The following ADAMTS6 variants were observed in gnomAD, a reference collection of about 807,000 sequenced individuals.
ADAMTS6 encodes A disintegrin and metalloproteinase with thrombospondin motifs 6.
Under a neutral mutation model 144.3 loss-of-function variants are expected in ADAMTS6, and 23 were observed. That is an observed-to-expected ratio of 0.16 (90% CI 0.11 to 0.23). The LOEUF (loss-of-function observed/expected upper bound fraction) is 0.23. Among genes scored for constraint, ADAMTS6 ranks in the 10% least tolerant of loss-of-function variants. The pLI is 1.00. For synonymous variants in ADAMTS6, 444 were observed against 457.5 expected, an observed-to-expected ratio of 0.97 and a Z score of 0.38; for missense variants, 999 against 1,379.6, an observed-to-expected ratio of 0.72 and a Z score of 4.37.
chr5:65,247,981 A>G (rs6885059), intron 14 of ADAMTS6, among the ~76,000 whole-genome samples: 90,912 of 152,044 alleles, frequency 0.6, 28,709 homozygotes, highest in African/African-American at 0.82. Flanking sequence ...AACCCCTGCC[A>G]TGCTTAGCAA....
intron 9 of ADAMTS6, among the ~76,000 whole-genome samples, chr5:65,305,819 C>G (rs1743888566): frequency 6.6e-6 from 1 of 152,072 alleles, no homozygotes; most frequent in Non-Finnish European, 1.5e-5. Flanking sequence ...CATGGACACA[C>G]ACACACACAG....
intron 14 of ADAMTS6, among the ~76,000 whole-genome samples, chr5:65,250,925 T>C (rs1561330316): frequency 6.6e-6 from 1 of 152,286 alleles, no homozygotes; most frequent in East Asian, 1.9e-4. Flanking sequence ...AAAAAGTAAG[T>C]TTTCTAGTAT....
At chr5:65,253,603 T>C (rs114808253) in intron 14 of ADAMTS6, among the ~76,000 whole-genome samples, 1 of 152,064 alleles carries the variant, frequency 6.6e-6, no homozygotes, top group African/African-American at 2.4e-5. Context: ...AAAAGAAAGG[T>C]ATATTCTTTT....
chr5:65,148,891 T>C lies in ADAMTS6; in HGVS notation c.*2945A>G, dbSNP rs1197961054. 6.6e-6 allele frequency: 1 copy of C among 152,596 alleles called. No homozygotes were observed. Among genetic ancestry groups the C allele is most frequent in the African/African-American group, 2.4e-5 (1 of 41,440 alleles). 9.5% of individuals were successfully genotyped at this position (152,596 alleles called of 1,614,324 possible). A position where few individuals can be genotyped will look rare whatever the true frequency, so the allele number is the denominator to read the frequency against. The stretch of plus-strand genomic sequence containing the variant: ...AATGTAGGACAAGTGTTAGGAAACA[T>C]GGCAATAAATTAGAATATAATTTAC... On this transcript the variant is annotated 3_prime_UTR_variant, in exon 25 of 25. Coordinates refer to ENST00000381055, the MANE Select transcript of ADAMTS6 (RefSeq NM_197941.4).
rs184573720 is a variant in ADAMTS6 at position 65,301,886 on chromosome 5, C to T, written c.1224-1755G>A. Among the ~76,000 whole-genome samples the T allele has an allele frequency of 6.9e-3, 1,042 of 151,652 alleles. 8 individuals carry two copies. Among genetic ancestry groups the T allele is most frequent in the Non-Finnish European group, 8.3e-3 (564 of 67,916 alleles). On this transcript the variant is annotated intron_variant, in intron 9 of 24. Coordinates refer to ENST00000381055, the MANE Select transcript of ADAMTS6 (RefSeq NM_197941.4). ...GGAGGATCACCTGAGGTCAGGAGCTCGAGACTAGCCTAGCCAACATGGTGA... is the reference window on the plus strand; with the variant it reads ...GGAGGATCACCTGAGGTCAGGAGCTTGAGACTAGCCTAGCCAACATGGTGA...
chr5:65,341,414 G>T (rs751092632), intron 7 of ADAMTS6, among the ~76,000 whole-genome samples: 3 of 151,754 alleles, frequency 2.0e-5, no homozygotes, highest in Admixed American at 6.6e-5. Flanking sequence ...CAAAAAGGTG[G>T]TTTTTTGAAA....
chr5:65,429,643 T>C (rs1756840194), intron 7 of ADAMTS6, among the ~76,000 whole-genome samples: 2 of 152,158 alleles, frequency 1.3e-5, no homozygotes, highest in Admixed American at 1.3e-4. Flanking sequence ...CCCTATGTTT[T>C]GTATATGATA....
At chr5:65,407,968 G>C (rs921906409) in intron 7 of ADAMTS6, among the ~76,000 whole-genome samples, 2 of 152,164 alleles carry the variant, frequency 1.3e-5, no homozygotes, top group East Asian at 1.9e-4. Context: ...GTCACCACCA[G>C]GCCTGCCTTA....
chr5:65,368,413 C>T (rs1218522057), intron 7 of ADAMTS6, among the ~76,000 whole-genome samples: 2 of 152,146 alleles, frequency 1.3e-5, no homozygotes, highest in Admixed American at 1.3e-4. Context: ...CTTTTCAATG[C>T]TTTTTTCTGT....
rs1210596393 is a variant in ADAMTS6, at chr5:65,329,401, G to C, written c.1200C>G (p.Thr400=). ...ACTTGTGACCAATCTCATGTGCAAT[G>C]GTAAAAGCTGAACCCAGGCCAATGT... ...NEDIGLGSAF[T]IAHEIGHNFG... is the part of the protein sequence containing the mutation. The change falls in exon 9 of 25, where the codon ACC becomes ACG. Residue 400 remains threonine, a synonymous_variant. Coordinates refer to ENST00000381055, the MANE Select transcript of ADAMTS6 (RefSeq NM_197941.4). 6.2e-7 allele frequency: 1 copy of C among 1,612,514 alleles called. No individual in the cohort carries two copies. Among genetic ancestry groups the C allele is most frequent in the Non-Finnish European group, 8.5e-7 (1 of 1,179,186 alleles).
At chr5:65,294,284 A>T (rs1397569633) in intron 10 of ADAMTS6, among the ~76,000 whole-genome samples, 1 of 152,214 alleles carries the variant, frequency 6.6e-6, no homozygotes, top group African/African-American at 2.4e-5. Context: ...AAGTGGCATG[A>T]TCACAGCTAA....
chr5:65,331,367 T>C (rs1427807583), intron 8 of ADAMTS6, among the ~76,000 whole-genome samples: 3 of 152,092 alleles, frequency 2.0e-5, no homozygotes, highest in African/African-American at 7.2e-5. Flanking sequence ...TCTCAATGAC[T>C]CCTCAAGGTG....
intron 12 of ADAMTS6, 105 bp from the exon 13 acceptor site, chr5:65,263,067 T>A: frequency 7.2e-7 from 1 of 1,390,980 alleles, no homozygotes; most frequent in Non-Finnish European, 9.9e-7. Flanking sequence ...GCATTAGCAT[T>A]CTCCCAATTG....
intron 7 of ADAMTS6, among the ~76,000 whole-genome samples, chr5:65,404,128 A>T (rs1386931762): frequency 1.3e-5 from 2 of 152,106 alleles, no homozygotes; most frequent in Non-Finnish European, 2.9e-5. Flanking sequence ...GCATTAATGA[A>T]TTAAGAAAAT....
rs1481286093 is a variant in ADAMTS6, at chr5:65,214,732, G to T, written c.2575+62C>A. 6.2e-7 allele frequency: 1 copy of T among 1,608,012 alleles called. No individual in the cohort carries two copies. Among genetic ancestry groups the T allele is most frequent in the South Asian group, 1.1e-5 (1 of 90,904 alleles). On this transcript the variant is annotated intron_variant, in intron 20 of 24. Coordinates refer to ENST00000381055, the MANE Select transcript of ADAMTS6 (RefSeq NM_197941.4). This position sits in a 1 kb window ranked among gnomAD's most constrained non-coding sequence, Gnocchi z 4.6. ...GCTTTTTTAACAAACACAAAGCATAGCTCAGAATGTGTTTTGTTCTCCATC... is the reference window on the plus strand; with the variant it reads ...GCTTTTTTAACAAACACAAAGCATATCTCAGAATGTGTTTTGTTCTCCATC...
At chr5:65,427,221 T>C (rs1478449284) in intron 7 of ADAMTS6, among the ~76,000 whole-genome samples, 2 of 152,122 alleles carry the variant, frequency 1.3e-5, no homozygotes, top group Non-Finnish European at 2.9e-5. Context: ...GAATAAATTT[T>C]CTATTTTTCT....
At chr5:65,192,963 T>A (rs1294046511) in intron 21 of ADAMTS6, among the ~76,000 whole-genome samples, 1 of 152,002 alleles carries the variant, frequency 6.6e-6, no homozygotes, top group Admixed American at 6.6e-5. Context: ...ACTAAAGACA[T>A]TTGAAATATT....
At chr5:65,469,507 G>T (rs763433264) in intron 3 of ADAMTS6, among the ~76,000 whole-genome samples, 24 of 152,074 alleles carry the variant, frequency 1.6e-4, no homozygotes, top group Non-Finnish European at 3.2e-4. Context: ...ACACATTTTG[G>T]ATAATTTTAT....
chr5:65,318,606 G>A lies in ADAMTS6; in HGVS notation c.1223+10772C>T, dbSNP rs142178768. ...CGTGGATGGAACTCGAGATCATTAT[G>A]CTAAGCGAAATAAGCCAGGCACAGA... On this transcript the variant is annotated intron_variant, in intron 9 of 24. Coordinates refer to ENST00000381055, the MANE Select transcript of ADAMTS6 (RefSeq NM_197941.4). Among the ~76,000 whole-genome samples the A allele has an allele frequency of 4.2e-3, 634 of 152,294 alleles. 3 individuals are homozygous for A. The highest frequency in any genetic ancestry group is 6.8e-3 in the Middle Eastern group (2 of 294).
Sources: gnomAD v4.1 joint callset for allele counts (sites outside exome capture counted in the v4.1 genomes callset) on GRCh38, gnomAD v4.1.1 for gene constraint, Gnocchi (gnomAD v3.1) non-coding constraint, MANE v1.5 for transcripts, NCBI Gene and HGNC (gene_info 2026-07-23, HGNC 2026-07-21) for gene names.